The following TANGO6 variants were observed in gnomAD, a reference collection of about 807,000 sequenced individuals.
TANGO6 encodes transport and Golgi organization protein 6 homolog.
TANGO6 carries 90 observed loss-of-function variants against 114.2 expected under a neutral mutation model. That is an observed-to-expected ratio of 0.79 (90% confidence interval 0.66 to 0.94). The LOEUF (loss-of-function observed/expected upper bound fraction) is 0.94. Ranked by LOEUF, TANGO6 falls within the 40% of genes least tolerant of loss-of-function variation. The pLI is 0.00. For missense variants in TANGO6, 1,274 were observed against 1,315.3 expected (o/e 0.97, Z 0.49); for synonymous variants, 477 against 509.8 (o/e 0.94, Z 0.87).
chr16:68,997,612 C>T (rs1447852723), intron 15 of TANGO6, among the ~76,000 whole-genome samples: 1 of 152,168 alleles, frequency 6.6e-6, no homozygotes, highest in Non-Finnish European at 1.5e-5. Context: ...TAGCCGGCTT[C>T]TTTACCACAT....
intron 1 of TANGO6, among the ~76,000 whole-genome samples, chr16:68,844,753 G>C (rs1306216938): frequency 6.6e-6 from 1 of 151,968 alleles, no homozygotes. Flanking sequence ...CCCTGGGATC[G>C]GTACTACTTG....
intron 15 of TANGO6, among the ~76,000 whole-genome samples, chr16:69,014,856 A>G (rs1239841003): frequency 1.3e-5 from 2 of 151,392 alleles, no homozygotes; most frequent in African/African-American, 4.9e-5. Context: ...TGATTGCACC[A>G]CTGCACTCTA....
intron 1 of TANGO6, among the ~76,000 whole-genome samples, chr16:68,849,431 G>A (rs1314758620): frequency 6.6e-6 from 1 of 152,098 alleles, no homozygotes; most frequent in Non-Finnish European, 1.5e-5. Context: ...GAGCCCAGGA[G>A]TTCAAGACTA....
intron 15 of TANGO6, among the ~76,000 whole-genome samples, chr16:68,984,511 T>C (rs535517839): frequency 6.8e-6 from 1 of 147,106 alleles, no homozygotes; most frequent in Admixed American, 6.7e-5. Flanking sequence ...TTCCTACTTA[T>C]ATTAGACAGT....
At chr16:68,861,292 G>A (rs1002607209) in intron 2 of TANGO6, among the ~76,000 whole-genome samples, 5 of 152,152 alleles carry the variant, frequency 3.3e-5, no homozygotes, top group African/African-American at 7.2e-5. Flanking sequence ...GCCCCCAGGC[G>A]CAGTGATTCC....
intron 14 of TANGO6, among the ~76,000 whole-genome samples, chr16:68,947,679 C>T (rs1055397090): frequency 6.7e-6 from 1 of 150,006 alleles, no homozygotes; most frequent in African/African-American, 2.5e-5. Flanking sequence ...GCACGCTCTG[C>T]CTCCTGGGTT....
At chr16:68,986,355 A>AG (rs1963889632) in intron 15 of TANGO6, among the ~76,000 whole-genome samples, 1 of 152,106 alleles carries the variant, frequency 6.6e-6, no homozygotes, top group Non-Finnish European at 1.5e-5. Flanking sequence ...AGGAATCCTG[A>AG]GGCAAAGCAG....
chr16:69,011,012 A>G (rs1964137742), intron 15 of TANGO6, among the ~76,000 whole-genome samples: 1 of 152,226 alleles, frequency 6.6e-6, no homozygotes, highest in Non-Finnish European at 1.5e-5. Context: ...TTTAATGCCC[A>G]TATGTGTGTT....
intron 11 of TANGO6, among the ~76,000 whole-genome samples, chr16:68,914,370 C>A (rs2152188559): frequency 6.6e-6 from 1 of 152,276 alleles, no homozygotes; most frequent in South Asian, 2.1e-4. Flanking sequence ...CCATGCTGGT[C>A]AGGCTGGTCT....
intron 17 of TANGO6, among the ~76,000 whole-genome samples, chr16:69,075,168 A>C (rs1960355702): frequency 6.8e-6 from 1 of 147,762 alleles, no homozygotes; most frequent in South Asian, 2.2e-4. Context: ...TTCCTTCCAA[A>C]GTCTGCTTTT....
At chr16:68,881,202 A>G (rs1257236280) in intron 7 of TANGO6, among the ~76,000 whole-genome samples, 1 of 152,218 alleles carries the variant, frequency 6.6e-6, no homozygotes, top group Admixed American at 6.5e-5. Flanking sequence ...GCCGCTGATG[A>G]AAGCATGTCT....
intron 17 of TANGO6, among the ~76,000 whole-genome samples, chr16:69,072,732 CT>C (rs1042035527): frequency 3.3e-5 from 5 of 152,134 alleles, no homozygotes; most frequent in African/African-American, 1.2e-4. Context: ...GATCCGGTAA[CT>C]GATAACAGGG....
At chr16:68,981,210 C>CTTTT (rs553789256) in intron 15 of TANGO6, among the ~76,000 whole-genome samples, 31 of 111,018 alleles carry the variant, frequency 2.8e-4, no homozygotes, top group African/African-American at 5.1e-4. Context: ...TTTTCTTTTC[C>CTTTT]TTTTTTTTTT....
At chr16:69,043,380 AT>A (rs1959803593) in intron 17 of TANGO6, among the ~76,000 whole-genome samples, 1 of 151,738 alleles carries the variant, frequency 6.6e-6, no homozygotes, top group African/African-American at 2.4e-5. Flanking sequence ...CTCTATCCAG[AT>A]TTCTCACATC....
chr16:68,883,752 C>T (rs75420077), intron 7 of TANGO6, among the ~76,000 whole-genome samples: 10,985 of 152,044 alleles, frequency 0.072, 426 homozygotes, highest in Admixed American at 0.1. Context: ...CCAAAGTGAC[C>T]GCACCATTTT....
At chr16:68,856,753 A>G (rs1349403852) in intron 1 of TANGO6, among the ~76,000 whole-genome samples, 2 of 152,338 alleles carry the variant, frequency 1.3e-5, no homozygotes, top group East Asian at 3.9e-4. Flanking sequence ...GTTTTGACAA[A>G]TGCATAATAT....
At chr16:69,080,876 C>T (rs1026768625) in intron 17 of TANGO6, among the ~76,000 whole-genome samples, 2 of 152,240 alleles carry the variant, frequency 1.3e-5, no homozygotes, top group Non-Finnish European at 1.5e-5. Context: ...CGGTGGCTCA[C>T]GCCTATAATC....
chr16:68,974,237 T>G, intron 15 of TANGO6, 69 bp downstream of exon 15: 1 of 1,587,406 alleles, frequency 6.3e-7, no homozygotes, highest in Non-Finnish European at 8.6e-7. Context: ...CCAAAATGTG[T>G]GTACCTGGGG....
At chr16:69,069,108 T>C (rs1597079006) in intron 17 of TANGO6, among the ~76,000 whole-genome samples, 2 of 152,286 alleles carry the variant, frequency 1.3e-5, no homozygotes, top group Middle Eastern at 3.4e-3. Flanking sequence ...CTGGGGTTCC[T>C]AGAAGTGAAG....
Sources: gnomAD v4.1 joint callset for allele counts (sites outside exome capture counted in the v4.1 genomes callset) on GRCh38, gnomAD v4.1.1 for gene constraint, MANE v1.5 for transcripts, NCBI Gene and HGNC (gene_info 2026-07-23, HGNC 2026-07-21) for gene names.